GLB1L3: variants seen among roughly 807,000 people sequenced by gnomAD.
The protein encoded by GLB1L3 is galactosidase beta 1 like 3.
Under a neutral mutation model 89.5 loss-of-function variants are expected in GLB1L3, and 89 were observed. The ratio of observed to expected loss-of-function variants is 0.99; its 90% CI spans 0.84 to 1.19. GLB1L3 has a LOEUF of 1.19. Ranked by LOEUF, GLB1L3 falls within the 50% of genes most tolerant of loss-of-function variation. GLB1L3 has a pLI of 0.00. For synonymous variants in GLB1L3, 314 were observed against 312.3 expected, an observed-to-expected ratio of 1.01 and a Z score of -0.06; for missense variants, 812 against 813.3, an observed-to-expected ratio of 1.00 and a Z score of 0.02.
rs373810614 is a variant in GLB1L3 at position 134,281,362 on chromosome 11, T to C, written c.363-15T>C. On this transcript the variant is annotated splice_polypyrimidine_tract_variant and intron_variant, in intron 3 of 19. Coordinates refer to ENST00000431683, the MANE Select transcript of GLB1L3 (RefSeq NM_001080407.3). ...TAAGAAGATACTCATCATACTTCCCTCTCACCTCTTCTAGCTATGTTCCGT... is the reference window on the plus strand; with the variant it reads ...TAAGAAGATACTCATCATACTTCCCCCTCACCTCTTCTAGCTATGTTCCGT... 2.5e-6 allele frequency: 4 copies of C among 1,614,040 alleles called. No individual in the cohort carries two copies. The African/African-American group carries it at 5.3e-5, about 22-fold the overall frequency.
At chr11:134,308,500 TAC>T (rs1942491776) in intron 10 of GLB1L3, among the ~76,000 whole-genome samples, 12 of 15,450 alleles carry the variant, frequency 7.8e-4, no homozygotes, top group Non-Finnish European at 1.4e-3. Context: ...CACCACCAAA[TAC>T]CACCACCACC....
In GLB1L3 at chr11:134,277,580, T is replaced by C. The variant is rs1940447155; in HGVS notation, c.150-120T>C. On this transcript the variant is annotated intron_variant, in intron 2 of 19. Transcript: ENST00000431683. ...GCACAGAACACGTCCTACTAACATA[T>C]GCACAGAACACGTCCTACTAACAAA... 4.7e-6 allele frequency: 7 copies of C among 1,502,590 alleles called. No homozygotes were observed. In the South Asian group the frequency reaches 8.0e-5, roughly 17 times the overall value. 93.1% of individuals were successfully genotyped at this position (1,502,590 alleles called of 1,614,324 possible). A position where few individuals can be genotyped will look rare whatever the true frequency, so the allele number is the denominator to read the frequency against.
chr11:134,314,481 A>G (rs1942895920), intron 18 of GLB1L3, 40 bp downstream of exon 18: 1 of 1,295,480 alleles, frequency 7.7e-7, no homozygotes, highest in Non-Finnish European at 1.1e-6. Context: ...TCCAAACACC[A>G]ATTTTATTTT....
intron 9 of GLB1L3, chr11:134,305,000 G>A (rs1942124588): frequency 8.5e-7 from 1 of 1,183,240 alleles, no homozygotes; most frequent in East Asian, 2.7e-5. Context: ...GCATGCGACT[G>A]CGCTAACAAT....
At chr11:134,321,199 G>T (rs929572938), downstream of GLB1L3, among the ~76,000 whole-genome samples, 1 of 152,168 alleles carries the variant, frequency 6.6e-6, no homozygotes, top group Non-Finnish European at 1.5e-5. Context: ...CGAGAGGGAT[G>T]TGATGGCCAA....
chr11:134,277,179 C>T (rs1377065062), intron 1 of GLB1L3, 147 bp from the exon 2 acceptor site: 4 of 974,084 alleles, frequency 4.1e-6, no homozygotes, highest in Non-Finnish European at 6.5e-6. Context: ...GCTGTCCTGG[C>T]CCTGGGCCCG....
Position 134,305,084 on chromosome 11 carries a change from C to G in GLB1L3, c.877-2040C>G, listed in dbSNP as rs774988502. ...GGCAGGGATGAATTCTTATCTTTAC[C>G]CATCTTCCTTTTTGCTTTCTCTCCT... is the stretch of plus-strand genomic sequence containing the variant. On this transcript the variant is annotated intron_variant, in intron 9 of 19. Coordinates refer to ENST00000431683, the MANE Select transcript of GLB1L3 (RefSeq NM_001080407.3). 30 of 1,547,502 alleles carry G rather than the reference C, an allele frequency of 1.9e-5. 1 individual carries two copies. The South Asian group carries it at 3.6e-4, about 18-fold the overall frequency.
At chr11:134,313,251 T>A in intron 15 of GLB1L3, 145 bp from the exon 16 acceptor site, 1 of 640,730 alleles carries the variant, frequency 1.6e-6, no homozygotes. Context: ...CACAAGGCAG[T>A]CCTTAGGTGA....
intron 7 of GLB1L3, among the ~76,000 whole-genome samples, chr11:134,290,574 C>CA (rs1482652925): frequency 5.4e-5 from 6 of 111,520 alleles, no homozygotes; most frequent in Admixed American, 3.5e-4. Context: ...CTCGTCCCCC[C>CA]CCGCCAAAAA....
chr11:134,314,271 A>C, intron 17 of GLB1L3, 59 bp from the exon 18 acceptor site: 1 of 1,181,266 alleles, frequency 8.5e-7, no homozygotes, highest in Non-Finnish European at 1.2e-6. Flanking sequence ...TGGGGTGGGT[A>C]CTGGGAACTG....
chr11:134,318,107 G>A (rs764416844), intron 18 of GLB1L3, among the ~76,000 whole-genome samples: 49 of 152,142 alleles, frequency 3.2e-4, no homozygotes, highest in Middle Eastern at 3.4e-3. Context: ...AGCAACCTTT[G>A]CCCTTTAATT....
the GLB1L3 span, among the ~76,000 whole-genome samples, chr11:134,325,233 G>A: frequency 1.3e-5 from 2 of 152,220 alleles, no homozygotes; most frequent in South Asian, 4.1e-4. Context: ...ATGCATACTT[G>A]CATTTCAAAG....
chr11:134,280,151 G>A (rs1261391400), intron 3 of GLB1L3, among the ~76,000 whole-genome samples: 3 of 151,742 alleles, frequency 2.0e-5, no homozygotes, highest in Non-Finnish European at 2.9e-5. Flanking sequence ...TTAGCTATTT[G>A]GGAATACGCT....
chr11:134,295,004 C>T (rs928244708), intron 9 of GLB1L3, among the ~76,000 whole-genome samples: 7 of 152,206 alleles, frequency 4.6e-5, no homozygotes, highest in African/African-American at 1.7e-4. Context: ...TTCTATTTTG[C>T]CAGATTCAGT....
chr11:134,308,547 CCAT>C (rs1432649998), intron 10 of GLB1L3, among the ~76,000 whole-genome samples: 3 of 32,942 alleles, frequency 9.1e-5, no homozygotes, highest in Non-Finnish European at 1.7e-4. Context: ...ACCACCATCA[CCAT>C]CACCATCACC....
In GLB1L3 at chr11:134,277,914, T is replaced by C. The variant is rs752900058; in HGVS notation, c.362+2T>C. ...CTGTGGCTTCAATACTGTCACCACG[T>C]GAGTGCCGGCCCCTCACCTCCAGGA... is the stretch of plus-strand genomic sequence containing the variant. On this transcript the variant is annotated splice_donor_variant, in intron 3 of 19. Coordinates refer to ENST00000431683, the MANE Select transcript of GLB1L3 (RefSeq NM_001080407.3). LOFTEE classifies it high-confidence loss of function. 6.2e-7 allele frequency: 1 copy of C among 1,613,584 alleles called. No homozygotes were observed. The highest frequency in any genetic ancestry group is 1.7e-5 in the Admixed American group (1 of 59,952).
chr11:134,283,193 G>T (rs1197944494), intron 5 of GLB1L3, among the ~76,000 whole-genome samples: 3 of 152,104 alleles, frequency 2.0e-5, no homozygotes, highest in Non-Finnish European at 4.4e-5. Context: ...CTCCTGAGTA[G>T]CTGGGATTAC....
At chr11:134,277,558 C>T (rs763645808) in intron 2 of GLB1L3, 107 bp downstream of exon 2, 52 of 1,526,764 alleles carry the variant, frequency 3.4e-5, no homozygotes, top group African/African-American at 9.6e-5. Flanking sequence ...AACATATGCA[C>T]AGAACACGTC....
At chr11:134,314,103 T>TA in intron 17 of GLB1L3, 75 bp downstream of exon 17, 1 of 1,033,402 alleles carries the variant, frequency 9.7e-7, no homozygotes, top group Non-Finnish European at 1.5e-6. Flanking sequence ...TCATTGCAGA[T>TA]AAAGAGTCCA....
Sources: allele counts gnomAD v4.1 joint callset (sites outside exome capture counted in the v4.1 genomes callset), GRCh38; gene constraint gnomAD v4.1.1; transcripts MANE v1.5; gene names NCBI Gene and HGNC (gene_info 2026-07-23, HGNC 2026-07-21).